The following ABCA12 variants were observed in gnomAD, a reference collection of about 807,000 sequenced individuals.
The protein encoded by ABCA12 is ATP binding cassette subfamily A member 12.
ABCA12 carries 156 observed loss-of-function variants against 293.5 expected under a neutral mutation model. The observed-to-expected ratio is 0.53, with a 90% CI of 0.47 to 0.61. ABCA12 has a LOEUF of 0.61. ABCA12 is among the 20% of genes least tolerant of loss of function. The pLI is 0.00. For missense variants in ABCA12, 2,797 were observed against 3,090.2 expected, an observed-to-expected ratio of 0.91 and a Z score of 2.25; for synonymous variants, 1,063 against 1,108.0, an observed-to-expected ratio of 0.96 and a Z score of 0.81.
chr2:215,065,692 G>A (rs1287398157), intron 2 of ABCA12, among the ~76,000 whole-genome samples: 1 of 151,940 alleles, frequency 6.6e-6, no homozygotes, highest in Non-Finnish European at 1.5e-5. Flanking sequence ...CTTCCAGAGG[G>A]TCCAGAAGGA....
At chr2:215,080,449 G>T (rs982153507) in intron 2 of ABCA12, among the ~76,000 whole-genome samples, 6 of 151,944 alleles carry the variant, frequency 3.9e-5, no homozygotes, top group Non-Finnish European at 8.8e-5. Flanking sequence ...GTTGCAGTAA[G>T]CTGAGATTGT....
intron 45 of ABCA12, among the ~76,000 whole-genome samples, chr2:214,950,384 C>CTGTGTG (rs61619476): frequency 0.022 from 2,585 of 116,552 alleles, 44 homozygotes; most frequent in Admixed American, 0.065. Flanking sequence ...ATATATATAT[C>CTGTGTG]TGTGTGTGTG....
At chr2:214,963,680 A>G (rs1699177043) in intron 39 of ABCA12, among the ~76,000 whole-genome samples, 1 of 151,176 alleles carries the variant, frequency 6.6e-6, no homozygotes. Flanking sequence ...TTGGGAGCCC[A>G]AGGCGGGTGG....
chr2:215,093,114 A>T (rs116274586), intron 2 of ABCA12, among the ~76,000 whole-genome samples: 2 of 152,028 alleles, frequency 1.3e-5, no homozygotes, highest in African/African-American at 4.8e-5. Flanking sequence ...TCCAACATCT[A>T]TTCTCAAAGG....
chr2:215,032,152 GTGC>G, intron 8 of ABCA12: 1 of 1,314,616 alleles, frequency 7.6e-7, no homozygotes, highest in Non-Finnish European at 9.8e-7. Context: ...TTCTTTGTCT[GTGC>G]ATCAAGCCAC....
intron 30 of ABCA12, among the ~76,000 whole-genome samples, chr2:214,981,586 T>G (rs1699655986): frequency 6.6e-6 from 1 of 152,062 alleles, no homozygotes; most frequent in Non-Finnish European, 1.5e-5. Flanking sequence ...TATTAACCAA[T>G]TGACCCAGAA....
intron 2 of ABCA12, among the ~76,000 whole-genome samples, chr2:215,081,323 C>T (rs933865041): frequency 6.6e-6 from 1 of 151,394 alleles, no homozygotes; most frequent in Non-Finnish European, 1.5e-5. Flanking sequence ...ACTAAAAATA[C>T]AAAAATTAGC....
At chr2:215,049,932 G>T in intron 5 of ABCA12, 121 bp from the exon 6 acceptor site, 1 of 831,162 alleles carries the variant, frequency 1.2e-6, no homozygotes, top group Non-Finnish European at 1.9e-6. Flanking sequence ...CTCCATTATA[G>T]CAGCTATTAA....
chr2:214,940,211 A>G (rs1273575673), intron 50 of ABCA12, among the ~76,000 whole-genome samples: 3 of 152,152 alleles, frequency 2.0e-5, no homozygotes, highest in Non-Finnish European at 4.4e-5. Flanking sequence ...TTCTGCATCT[A>G]TTGAGATAAT....
At position 215,001,668 on chromosome 2, in the gene ABCA12, GT is replaced by G; in HGVS notation, c.2752del (p.Thr918GlnfsTer2). The stretch of plus-strand genomic sequence containing the variant: ...TAATACACAAGAGGAAATATTTACT[GT>G]CAGGGAAGATAGTGTGTTAAGCTGA... ...IDQLNTLSSL[T>X]VNISSCVLYD... On this transcript the variant is annotated frameshift_variant, in exon 21 of 53. Coordinates refer to ENST00000272895, the MANE Select transcript of ABCA12 (RefSeq NM_173076.3). LOFTEE classifies it high-confidence loss of function. The G allele has an allele frequency of 1.9e-6, 3 of 1,613,704 alleles. No homozygotes were observed. The highest frequency in any genetic ancestry group is 2.5e-6 in the Non-Finnish European group (3 of 1,179,772).
chr2:214,986,439 G>T (rs1699788370), intron 28 of ABCA12, 103 bp downstream of exon 28: 2 of 1,128,288 alleles, frequency 1.8e-6, no homozygotes, highest in Non-Finnish European at 2.6e-6. Flanking sequence ...TCTGGGAAAT[G>T]TAATAACTTT....
At chr2:215,078,103 G>T (rs1317629582) in intron 2 of ABCA12, among the ~76,000 whole-genome samples, 1 of 152,206 alleles carries the variant, frequency 6.6e-6, no homozygotes, top group African/African-American at 2.4e-5. Flanking sequence ...GAATTCCCAA[G>T]ATCTCTCTTC....
intron 2 of ABCA12, among the ~76,000 whole-genome samples, chr2:215,070,981 A>T (rs1405922446): frequency 6.6e-6 from 1 of 152,018 alleles, no homozygotes; most frequent in Admixed American, 6.6e-5. Context: ...GCAGTTCGAG[A>T]CAAAGCCTGG....
At chr2:215,045,784 TA>T in intron 7 of ABCA12, 52 bp downstream of exon 7, 2 of 1,535,948 alleles carry the variant, frequency 1.3e-6, no homozygotes, top group South Asian at 2.3e-5. Context: ...AACATTTTTT[TA>T]AACACTTCTT....
chr2:215,104,115 G>C (rs780321886), intron 2 of ABCA12, among the ~76,000 whole-genome samples: 27 of 152,272 alleles, frequency 1.8e-4, no homozygotes, highest in Non-Finnish European at 3.1e-4. Flanking sequence ...TCTTATGAAG[G>C]AAAGAGAAAA....
chr2:215,019,746 G>T lies in ABCA12; in HGVS notation c.1338C>A (p.Phe446Leu), dbSNP rs1400302823. 3.7e-6 allele frequency: 6 copies of T among 1,613,794 alleles called. No individual in the cohort carries two copies. The highest frequency in any genetic ancestry group is 5.1e-6 in the Non-Finnish European group (6 of 1,180,014). The change falls in exon 12 of 53, where the codon TTC becomes TTA. Residue 446 changes from phenylalanine (F) to leucine (L), a missense_variant. This residue lies in a region of ABCA12 where 656 missense variants were observed against 638.2 expected (regional missense o/e 1.03). Transcript: ENST00000272895. ...LTELLCESET[F>L]SLIEKSCQLS... is the part of the protein sequence containing the mutation. Reference sequence around the variant, plus strand: ...GCTGGCATGACTTCTCTATCAAACTGAAAGTTTCAGATTCACAAAGAAGTT... The same window carrying T: ...GCTGGCATGACTTCTCTATCAAACTTAAAGTTTCAGATTCACAAAGAAGTT...
intron 2 of ABCA12, among the ~76,000 whole-genome samples, chr2:215,107,819 T>C (rs2970964): frequency 1.8e-4 from 27 of 152,140 alleles, no homozygotes; most frequent in African/African-American, 5.8e-4. Context: ...GATCCATGCA[T>C]GTTGTTATGA....
intron 2 of ABCA12, among the ~76,000 whole-genome samples, chr2:215,070,392 T>A (rs577866989): frequency 1.8e-4 from 28 of 152,130 alleles, no homozygotes; most frequent in African/African-American, 6.5e-4. Flanking sequence ...TTTAAATGTT[T>A]TTATTATTAT....
At chr2:215,023,391 C>A (rs1248629916) in intron 11 of ABCA12, 1 of 152,192 alleles carries the variant, frequency 6.6e-6, no homozygotes, top group African/African-American at 2.4e-5. Flanking sequence ...GATAGATTTT[C>A]TACTCAAAAG....
Sources: allele counts gnomAD v4.1 joint callset (sites outside exome capture counted in the v4.1 genomes callset), GRCh38; gene constraint gnomAD v4.1.1; regional missense constraint gnomAD v4.1.1; transcripts MANE v1.5; gene names NCBI Gene and HGNC (gene_info 2026-07-23, HGNC 2026-07-21).